The following TANC1 variants were observed in gnomAD, a reference collection of about 807,000 sequenced individuals.
TANC1 encodes protein TANC1.
A neutral mutation model predicts 149.7 loss-of-function variants in TANC1; 77 were observed. The ratio of observed to expected loss-of-function variants is 0.51; its 90% CI spans 0.43 to 0.62. TANC1 has a LOEUF of 0.62. Ranked by LOEUF, TANC1 falls within the 20% of genes least tolerant of loss-of-function variation. TANC1 has a pLI of 0.00. For missense variants in TANC1, 1,985 were observed against 2,321.8 expected, an observed-to-expected ratio of 0.85 and a Z score of 2.98; for synonymous variants, 854 against 925.0, an observed-to-expected ratio of 0.92 and a Z score of 1.39.
chr2:159,149,411 T>A (rs1455176504), intron 6 of TANC1, 139 bp downstream of exon 6: 1 of 1,316,148 alleles, frequency 7.6e-7, no homozygotes, highest in South Asian at 1.3e-5. Flanking sequence ...GAAATTTATT[T>A]CAACAGTTTG....
At chr2:159,033,988 A>G (rs1279729727) in intron 2 of TANC1, among the ~76,000 whole-genome samples, 1 of 152,232 alleles carries the variant, frequency 6.6e-6, no homozygotes, top group Non-Finnish European at 1.5e-5. Context: ...GGACTATTAG[A>G]AGAACAGGTG....
chr2:159,038,148 T>C (rs1193742413), intron 2 of TANC1, among the ~76,000 whole-genome samples: 1 of 152,206 alleles, frequency 6.6e-6, no homozygotes, highest in East Asian at 1.9e-4. Flanking sequence ...ATGATTTGGC[T>C]CTCTGTGTCT....
At chr2:159,203,927 T>C (rs1401457110) in intron 19 of TANC1, among the ~76,000 whole-genome samples, 2 of 152,182 alleles carry the variant, frequency 1.3e-5, no homozygotes, top group Non-Finnish European at 2.9e-5. Context: ...GTCCACACCA[T>C]TGTGTATGGC....
At chr2:159,039,479 G>T (rs573575196) in intron 2 of TANC1, among the ~76,000 whole-genome samples, 8 of 152,088 alleles carry the variant, frequency 5.3e-5, no homozygotes, top group Non-Finnish European at 1.0e-4. Context: ...GCTTTCTCCT[G>T]TGGGCATTTA....
At chr2:159,204,578 C>T (rs1438567656) in intron 19 of TANC1, among the ~76,000 whole-genome samples, 1 of 152,196 alleles carries the variant, frequency 6.6e-6, no homozygotes, top group Non-Finnish European at 1.5e-5. Flanking sequence ...GTCACCTCCT[C>T]AGAGGTCCTT....
intron 5 of TANC1, among the ~76,000 whole-genome samples, chr2:159,141,767 G>A (rs1294642924): frequency 6.6e-6 from 1 of 152,140 alleles, no homozygotes; most frequent in African/African-American, 2.4e-5. Flanking sequence ...CTGAGAAACT[G>A]GTATTTCATT....
intron 4 of TANC1, among the ~76,000 whole-genome samples, chr2:159,109,229 C>T (rs1195878987): frequency 1.3e-5 from 2 of 152,112 alleles, no homozygotes; most frequent in Admixed American, 6.5e-5. Context: ...GTCTGTCTGC[C>T]CCAGTCATGG....
chr2:159,062,041 C>T (rs56131553), intron 2 of TANC1, among the ~76,000 whole-genome samples: 54,958 of 151,904 alleles, frequency 0.36, 10,215 homozygotes, highest in Middle Eastern at 0.41. Context: ...AGTTTGAGAC[C>T]AGCCTGGCCA....
chr2:159,087,486 G>A (rs907626938), intron 3 of TANC1, among the ~76,000 whole-genome samples: 3 of 128,904 alleles, frequency 2.3e-5, no homozygotes, highest in African/African-American at 5.9e-5. Flanking sequence ...TTTTTTTGTC[G>A]TTGTTTGTTG....
intron 3 of TANC1, among the ~76,000 whole-genome samples, chr2:159,082,537 T>A (rs1032398512): frequency 6.6e-4 from 101 of 152,208 alleles, no homozygotes; most frequent in Non-Finnish European, 2.1e-4. Context: ...ATCTAGGATA[T>A]TTTTGTTTCC....
At chr2:159,190,613 G>A (rs190848127) in intron 16 of TANC1, among the ~76,000 whole-genome samples, 160 of 152,244 alleles carry the variant, frequency 1.1e-3, no homozygotes, top group African/African-American at 3.6e-3. Flanking sequence ...GTGCAATGGC[G>A]TGATCTTGGC....
At chr2:159,004,646 T>C (rs1040092594) in intron 2 of TANC1, among the ~76,000 whole-genome samples, 1 of 152,116 alleles carries the variant, frequency 6.6e-6, no homozygotes, top group East Asian at 1.9e-4. Context: ...TGTGTGTATA[T>C]AGTGGAGAGC....
chr2:158,997,083 G>A (rs1183316368), intron 1 of TANC1, among the ~76,000 whole-genome samples: 3 of 152,078 alleles, frequency 2.0e-5, no homozygotes, highest in Non-Finnish European at 4.4e-5. Context: ...GGGACAGAAA[G>A]ACATGGACCT....
At chr2:158,975,406 T>C (rs2033530538) in intron 1 of TANC1, among the ~76,000 whole-genome samples, 1 of 152,164 alleles carries the variant, frequency 6.6e-6, no homozygotes, top group South Asian at 2.1e-4. Context: ...GGAGTGAATT[T>C]TGATTAAGCC....
At chr2:159,168,409 C>T (rs1207522096) in intron 8 of TANC1, among the ~76,000 whole-genome samples, 2 of 150,470 alleles carry the variant, frequency 1.3e-5, no homozygotes, top group African/African-American at 4.9e-5. Flanking sequence ...AAGCGATTCT[C>T]CTGCCTTAGC....
chr2:159,033,478 G>A (rs1256288637), intron 2 of TANC1, among the ~76,000 whole-genome samples: 1 of 152,128 alleles, frequency 6.6e-6, no homozygotes, highest in Non-Finnish European at 1.5e-5. Flanking sequence ...GAGAGGGGAA[G>A]TGCCCAGGAG....
chr2:159,213,319 T>A (rs1004765429), intron 19 of TANC1, among the ~76,000 whole-genome samples: 13 of 152,064 alleles, frequency 8.5e-5, no homozygotes, highest in African/African-American at 3.1e-4. Flanking sequence ...ACAGCGAGAA[T>A]TCCTGGGACA....
rs754651438 is a variant in TANC1, at chr2:159,176,365, T to C, written c.1749T>C (p.Pro583=). ...TTTATCCTGTAGAGCAGAAAATTCC[T>C]GAAGAAGAATACATTATTTTGATAG... ...LTNLRNEQKI[P]EEEYIILIDG... Residue 583 remains proline (P), a synonymous_variant, in exon 13 of 27, where the codon CCT becomes CCC. Transcript: ENST00000263635. The C allele has an allele frequency of 4.5e-6, 7 of 1,541,388 alleles. No homozygotes were observed. The highest frequency in any genetic ancestry group is 2.3e-5 in the Admixed American group (1 of 43,762).
intron 2 of TANC1, among the ~76,000 whole-genome samples, chr2:159,046,589 C>CT (rs57208685): frequency 0.03 from 2,493 of 84,194 alleles, 468 homozygotes; most frequent in East Asian, 0.11. Context: ...CTTTTCTTTA[C>CT]TTTTTTTTTT....
Sources: gnomAD v4.1 joint callset for allele counts (sites outside exome capture counted in the v4.1 genomes callset) on GRCh38, gnomAD v4.1.1 for gene constraint, MANE v1.5 for transcripts, NCBI Gene and HGNC (gene_info 2026-07-23, HGNC 2026-07-21) for gene names.